CFAP92: variants seen among roughly 807,000 people sequenced by gnomAD.
The protein encoded by CFAP92 is uncharacterized protein CFAP92.
CFAP92 carries 86 observed loss-of-function variants against 106.3 expected under a neutral mutation model. The ratio of observed to expected loss-of-function variants is 0.81; its 90% confidence interval spans 0.68 to 0.97. The LOEUF (loss-of-function observed/expected upper bound fraction) is 0.97, where lower values mean the gene tolerates loss of function less well. Ranked by LOEUF, CFAP92 falls within the 50% of genes least tolerant of loss-of-function variation. The pLI, the probability that CFAP92 is intolerant of heterozygous loss-of-function variation, is 0.00. For synonymous variants in CFAP92, 477 were observed against 506.4 expected (o/e 0.94, Z 0.78); for missense variants, 1,204 against 1,283.8 (o/e 0.94, Z 0.95).
At chr3:128,929,594 A>C (rs1331321998) in intron 12 of CFAP92, among the ~76,000 whole-genome samples, 4 of 152,256 alleles carry the variant, frequency 2.6e-5, no homozygotes, top group Non-Finnish European at 5.9e-5. Flanking sequence ...CAATAAAAAA[A>C]GAACACACCG....
At chr3:128,910,439 G>A (rs1936152075) in intron 15 of CFAP92, 106 bp from the exon 16 acceptor site, 1 of 1,183,712 alleles carries the variant, frequency 8.4e-7, no homozygotes, top group Non-Finnish European at 1.2e-6. Context: ...GGAGGCGGGT[G>A]CAGTCTCTGA....
At chr3:129,013,336 G>T in the CFAP92 span, among the ~76,000 whole-genome samples, 2 of 152,052 alleles carry the variant, frequency 1.3e-5, no homozygotes, top group Non-Finnish European at 2.9e-5. Flanking sequence ...ATGACTAAAA[G>T]CACTCTCACT....
At chr3:129,001,825 T>A in intron 1 of CFAP92, 1 of 1,545,554 alleles carries the variant, frequency 6.5e-7, no homozygotes, top group Non-Finnish European at 8.7e-7. Context: ...TTCCACCACC[T>A]GGACTGCCGC....
chr3:128,970,964 T>C, intron 8 of CFAP92: 1 of 397,814 alleles, frequency 2.5e-6, no homozygotes, highest in East Asian at 4.3e-5. Context: ...GGAAAGCATT[T>C]ATTAAAAGCA....
chr3:128,911,606 A>G (rs1422786088), intron 15 of CFAP92, among the ~76,000 whole-genome samples: 1 of 151,364 alleles, frequency 6.6e-6, no homozygotes, highest in Non-Finnish European at 1.5e-5. Flanking sequence ...CCCAGCTAAT[A>G]TTTGTATTTT....
chr3:128,962,254 C>T (rs1450713470), intron 9 of CFAP92, among the ~76,000 whole-genome samples: 3 of 152,106 alleles, frequency 2.0e-5, no homozygotes, highest in South Asian at 2.1e-4. Flanking sequence ...GGAAGGTAAG[C>T]CCGTCCCCTT....
chr3:128,953,625 CTCT>C (rs1559891821), intron 9 of CFAP92, among the ~76,000 whole-genome samples: 16 of 126,130 alleles, frequency 1.3e-4, no homozygotes, highest in African/African-American at 6.0e-4. Flanking sequence ...CTCTCCCTCC[CTCT>C]CCGTCTCCCT....
chr3:128,959,222 TAAATA>T (rs1941678348), intron 9 of CFAP92, among the ~76,000 whole-genome samples: 7 of 151,328 alleles, frequency 4.6e-5, no homozygotes, highest in Non-Finnish European at 1.0e-4. Context: ...AATAAATAAA[TAAATA>T]AAATAAAAAA....
At chr3:128,984,174 G>A (rs1407683649) in intron 4 of CFAP92, among the ~76,000 whole-genome samples, 1 of 152,176 alleles carries the variant, frequency 6.6e-6, no homozygotes, top group African/African-American at 2.4e-5. Context: ...TCGAGCAGAC[G>A]AGCAGATTAA....
At position 128,953,866 on chromosome 3, in the gene CFAP92, C is replaced by T. The variant is rs1219168440; in HGVS notation, c.1354-7891G>A. Among the ~76,000 whole-genome samples the T allele has an allele frequency of 5.0e-5, 6 of 120,990 alleles. 1 individual carries two copies. Among genetic ancestry groups the T allele is most frequent in the East Asian group, 2.5e-4 (1 of 4,044 alleles). 79.4% of individuals were successfully genotyped at this position (120,990 alleles called of 152,430 possible). On this transcript the variant is annotated intron_variant, in intron 9 of 15. Coordinates refer to ENST00000645291, the MANE Select transcript of CFAP92 (RefSeq NM_001394090.1). ...GAGTGATCCGCCACCCTCGGCCTCCCGAGGTGCCGGGATTGCAGACGGAGT... is the reference window on the plus strand; with the variant it reads ...GAGTGATCCGCCACCCTCGGCCTCCTGAGGTGCCGGGATTGCAGACGGAGT...
rs1192727071 is a variant in CFAP92 at position 128,932,862 on chromosome 3, C to A, written c.2589G>T (p.Glu863Asp). Residue 863 changes from glutamate (E) to aspartate (D), a missense_variant, in exon 12 of 16, where the codon GAG (glutamate) becomes GAT (aspartate). Glu to Asp is a conservative substitution (Grantham distance 45, BLOSUM62 2). Coordinates refer to ENST00000645291, the MANE Select transcript of CFAP92 (RefSeq NM_001394090.1). The part of the protein sequence containing the change: ...MPLSQEELTD[E>D]KLFALPPQPA... ...GCTGAGGTGGTAGGGCAAACAGTTT[C>A]TCATCTGTGAGTTCTTCTTGCGAAA... 31 of 1,536,090 alleles carry A rather than the reference C, an allele frequency of 2.0e-5. No individual in the cohort carries two copies. The highest frequency in any genetic ancestry group is 2.4e-5 in the Non-Finnish European group (28 of 1,146,934).
chr3:129,000,516 C>A (rs765555627), intron 1 of CFAP92, among the ~76,000 whole-genome samples: 1 of 152,206 alleles, frequency 6.6e-6, no homozygotes, highest in South Asian at 2.1e-4. Context: ...CTTGCTCCAA[C>A]ATGGCTGGGT....
At chr3:128,927,102 AAAAG>A (rs368459223) in intron 12 of CFAP92, among the ~76,000 whole-genome samples, 5 of 152,086 alleles carry the variant, frequency 3.3e-5, no homozygotes, top group African/African-American at 1.2e-4. Context: ...CAAAAGAAAA[AAAAG>A]AGAGAGATAT....
At chr3:128,960,726 G>A (rs528205680) in intron 9 of CFAP92, among the ~76,000 whole-genome samples, 111 of 152,244 alleles carry the variant, frequency 7.3e-4, no homozygotes, top group South Asian at 1.5e-3. Flanking sequence ...TGGGGAAGGG[G>A]CAAGTACCCG....
intron 10 of CFAP92, among the ~76,000 whole-genome samples, chr3:128,938,424 T>C (rs893487209): frequency 1.3e-5 from 2 of 151,570 alleles, no homozygotes; most frequent in Non-Finnish European, 2.9e-5. Context: ...TCATAGATAG[T>C]GGGGAAACAC....
chr3:128,940,763 G>C (rs1330982057), intron 10 of CFAP92, among the ~76,000 whole-genome samples: 4 of 151,842 alleles, frequency 2.6e-5, no homozygotes, highest in Non-Finnish European at 5.9e-5. Context: ...TTGATATCTA[G>C]TACAGCAAGT....
Position 128,987,668 on chromosome 3 carries a change from G to A in CFAP92, c.615C>T (p.Tyr205=), listed in dbSNP as rs1943943358. ...KDKMSRKVRY[Y]RLKTAGFTDD... ...CTGTGAAGCCGGCAGTCTTTAATCG[G>A]TAATATCTGACTTTTCTTGACATCT... Residue 205 remains tyrosine, a synonymous_variant, in exon 4 of 16, where the codon TAC becomes TAT. Transcript: ENST00000645291. 3 of 1,613,900 alleles carry A rather than the reference G, an allele frequency of 1.9e-6. No individual in the cohort carries two copies. Among genetic ancestry groups the A allele is most frequent in the Non-Finnish European group, 2.5e-6 (3 of 1,179,896 alleles).
chr3:128,997,581 G>T (rs1425094321), upstream of CFAP92, among the ~76,000 whole-genome samples: 1 of 152,152 alleles, frequency 6.6e-6, no homozygotes, highest in Admixed American at 6.5e-5. Flanking sequence ...TTTGTGACTG[G>T]TTTCTTTCAC....
upstream of CFAP92, among the ~76,000 whole-genome samples, chr3:128,998,946 C>T (rs1944582463): frequency 1.3e-5 from 2 of 152,078 alleles, no homozygotes; most frequent in African/African-American, 4.8e-5. Flanking sequence ...CTTTCATGCC[C>T]AAATACATAG....
Sources: gnomAD v4.1 joint callset for allele counts (sites outside exome capture counted in the v4.1 genomes callset) on GRCh38, gnomAD v4.1.1 for gene constraint, MANE v1.5 for transcripts, NCBI Gene and HGNC (gene_info 2026-07-23, HGNC 2026-07-21) for gene names.